MUC4: variants seen among roughly 807,000 people sequenced by gnomAD.
MUC4 encodes the protein mucin-4.
Under a neutral mutation model 257.9 loss-of-function variants are expected in MUC4, and 202 were observed. The observed-to-expected ratio is 0.78, with a 90% confidence interval of 0.70 to 0.88. The LOEUF (loss-of-function observed/expected upper bound fraction) is 0.88. Ranked by LOEUF, MUC4 falls within the 40% of genes least tolerant of loss-of-function variation. The pLI is 0.00. For synonymous variants in MUC4, 2,351 were observed against 2,757.1 expected (o/e 0.85, Z 4.62); for missense variants, 5,976 against 6,513.7 (o/e 0.92, Z 2.84).
intron 7 of MUC4, among the ~76,000 whole-genome samples, chr3:195,767,552 CCATTACCAT>C (rs1721083037): frequency 5.4e-5 from 6 of 110,270 alleles, no homozygotes; most frequent in Admixed American, 8.2e-5. Context: ...ATCACCATCA[CCATTACCAT>C]TGCCACCACC....
At chr3:195,778,195 T>C (rs1391283125) in intron 3 of MUC4, 108 bp downstream of exon 3, 2 of 1,383,002 alleles carry the variant, frequency 1.4e-6, no homozygotes, top group Non-Finnish European at 1.9e-6. Flanking sequence ...CTGTCCTCGG[T>C]AAGGCCCTCC....
rs1389520299 is a variant in MUC4 at position 195,778,796 on chromosome 3, T to A, written c.12784A>T (p.Thr4262Ser). 1 of 1,609,750 alleles carries A rather than the reference T, an allele frequency of 6.2e-7. No individual in the cohort carries two copies. The highest frequency in any genetic ancestry group is 8.5e-7 in the Non-Finnish European group (1 of 1,178,022). Residue 4262 changes from threonine to serine, a missense_variant, in exon 2 of 25, where the codon ACA becomes TCA. Physicochemically the swap from Thr to Ser is moderately conservative, Grantham distance 58 (BLOSUM62 1). Coordinates refer to ENST00000463781, the MANE Select transcript of MUC4 (RefSeq NM_018406.7). ...VSSDSPLKME[T>S]PGMTTPSLKT... ...CGAGGCAGTTGGCAGCTACCTGGTG[T>A]TTCCATCTTCAGAGGGGAGTCCGAG...
At chr3:195,762,663 GGGCCCTGCACCACAACGCACCC>G in intron 13 of MUC4, among the ~76,000 whole-genome samples, 170 bp downstream of exon 13, 1 of 16,062 alleles carries the variant, frequency 6.2e-5, no homozygotes, top group Non-Finnish European at 1.8e-4. Flanking sequence ...GCCACGCACC[GGGCCCTGCACCACAACGCACCC>G]GGCCCTGCAC....
In MUC4 at chr3:195,790,428, GCTGACA is replaced by G. The variant is rs1414117137; in HGVS notation, c.1146_1151del (p.Val383_Ser384del). 1.2e-6 allele frequency: 2 copies of G among 1,613,524 alleles called. No individual in the cohort carries two copies. The highest frequency in any genetic ancestry group is 2.2e-5 in the East Asian group (1 of 44,900). On this transcript the variant is annotated inframe_deletion, in exon 2 of 25. Coordinates refer to ENST00000463781, the MANE Select transcript of MUC4 (RefSeq NM_018406.7). The stretch of plus-strand genomic sequence containing the variant: ...CCTTTGATGTTACCAGGAATGTATT[GCTGACA>G]CTGGAAGGGGATGAGGTGGTTGTTT...
chr3:195,789,692 C>G lies in MUC4; in HGVS notation c.1888G>C (p.Glu630Gln). 2 of 1,613,854 alleles carry G rather than the reference C, an allele frequency of 1.2e-6. No homozygotes were observed. The highest frequency in any genetic ancestry group is 1.7e-6 in the Non-Finnish European group (2 of 1,179,870). ...TIHSTSTSPQ[E>Q]SPAVSQRGHT... Reference sequence around the variant, plus strand: ...CCCCTTTGGGAAACAGCTGGTGATTCCTGAGGAGAGGTGCTTGTGGAATGT... The same window carrying G: ...CCCCTTTGGGAAACAGCTGGTGATTGCTGAGGAGAGGTGCTTGTGGAATGT... Residue 630 changes from glutamate to glutamine, a missense_variant, in exon 2 of 25, where the codon GAA (glutamate) becomes CAA (glutamine). This residue lies in a region of MUC4 where 1,583 missense variants were observed against 1,257.4 expected (regional missense o/e 1.26). Transcript: ENST00000463781.
Position 195,782,244 on chromosome 3 carries a change from T to A in MUC4, c.9336A>T (p.Ser3112=). 1 of 1,525,682 alleles carries A rather than the reference T, an allele frequency of 6.6e-7. No individual in the cohort carries two copies. The highest frequency in any genetic ancestry group is 8.8e-7 in the Non-Finnish European group (1 of 1,135,678). The allele number at this position is 1,525,682 out of a possible 1,614,324, so 94.5% of individuals were successfully genotyped here. The change falls in exon 2 of 25, where the codon TCA becomes TCT. Residue 3112 remains serine (S), a synonymous_variant. Coordinates refer to ENST00000463781, the MANE Select transcript of MUC4 (RefSeq NM_018406.7). ...GAGGGGTGGTGTGACCTGTGGATGC[T>A]GAGGAAGGGCTAGTGACAGGAAGAG... ...TTPLPVTSPS[S]ASTGHTTPLP... is the part of the protein sequence containing the mutation.
Position 195,770,490 on chromosome 3 carries a change from T to C in MUC4, c.13243-119A>G, listed in dbSNP as rs1722563764. 31 of 1,141,104 alleles carry C rather than the reference T, an allele frequency of 2.7e-5. No individual in the cohort carries two copies. In the South Asian group the frequency reaches 3.4e-4, roughly 12 times the overall value. The allele number at this position is 1,141,104 out of a possible 1,614,324, so 70.7% of individuals were successfully genotyped here. A position where few individuals can be genotyped will look rare whatever the true frequency, so the allele number is the denominator to read the frequency against. ...GCCCACCCAATGGCCTGCCCTCCCC[T>C]GTCCCAGGCCTGCATTTTTGCCGTG... On this transcript the variant is annotated intron_variant, in intron 5 of 24. Transcript: ENST00000463781.
chr3:195,767,730 C>T (rs1356591944), intron 7 of MUC4, among the ~76,000 whole-genome samples: 726 of 7,154 alleles, frequency 0.1, 44 homozygotes, highest in African/African-American at 0.18. Flanking sequence ...ACCACCATCA[C>T]CACCACCATC....
Position 195,754,288 on chromosome 3 carries a change from T to C in MUC4, c.15253A>G (p.Ser5085Gly). 1 of 1,613,802 alleles carries C rather than the reference T, an allele frequency of 6.2e-7. No homozygotes were observed. Among genetic ancestry groups the C allele is most frequent in the Non-Finnish European group, 8.5e-7 (1 of 1,179,984 alleles). ...CCCTTCCCAGGAACGCAGTGGACAC[T>C]CGGGAAGCACGGCTCCTCACAGGCA... is the stretch of plus-strand genomic sequence containing the variant. Reference protein sequence around the residue: ...EDACEEPCFPSVHCVPGKGCE... With the variant: ...EDACEEPCFPGVHCVPGKGCE... The change falls in exon 19 of 25, where the codon AGT (serine) becomes GGT (glycine). Residue 5085 changes from serine (S) to glycine (G), a missense_variant. Physicochemically the swap from Ser to Gly is moderately conservative, Grantham distance 56. Around this residue, in one of 44 missense-constraint regions of MUC4, gnomAD observed 996 missense variants for 1,137.3 expected, o/e 0.88. Transcript: ENST00000463781.
chr3:195,761,509 C>A lies in MUC4; in HGVS notation c.14589G>T (p.Glu4863Asp). The A allele has an allele frequency of 6.2e-7, 1 of 1,614,074 alleles. No homozygotes were observed. Among genetic ancestry groups the A allele is most frequent in the Non-Finnish European group, 8.5e-7 (1 of 1,179,918 alleles). Reference protein sequence around the residue: ...GSTIPPGSPEEMLFHFGMTWQ... With the variant: ...GSTIPPGSPEDMLFHFGMTWQ... Reference sequence around the variant, plus strand: ...AGGTCATTCCAAAGTGGAAAAGCATCTCCTCAGGGCTCCCTGGGGGAATGG... The same window carrying A: ...AGGTCATTCCAAAGTGGAAAAGCATATCCTCAGGGCTCCCTGGGGGAATGG... Residue 4863 changes from glutamate (E) to aspartate (D), a missense_variant, in exon 15 of 25, where the codon GAG becomes GAT. By Grantham distance (45) the Glu-to-Asp change is conservative (BLOSUM62 2). This residue lies in a region of MUC4 where 996 missense variants were observed against 1,137.3 expected (regional missense o/e 0.88). Coordinates refer to ENST00000463781, the MANE Select transcript of MUC4 (RefSeq NM_018406.7).
At chr3:195,793,125 A>G (rs1439744107) in intron 1 of MUC4, among the ~76,000 whole-genome samples, 1 of 184 alleles carries the variant, frequency 5.4e-3, no homozygotes, top group African/African-American at 0.021. Flanking sequence ...TGAAACTTAA[A>G]GTAAAAATGA....
At position 195,789,661 on chromosome 3, in the gene MUC4, G is replaced by C; in HGVS notation, c.1919C>G (p.Thr640Ser). 3 of 1,614,026 alleles carry C rather than the reference G, an allele frequency of 1.9e-6. No individual in the cohort carries two copies. The highest frequency in any genetic ancestry group is 2.5e-6 in the Non-Finnish European group (3 of 1,179,894). Residue 640 changes from threonine (T) to serine (S), a missense_variant, in exon 2 of 25, where the codon ACT becomes AGT. Thr to Ser is a moderately conservative substitution (Grantham distance 58). Around this residue, in one of 44 missense-constraint regions of MUC4, gnomAD observed 1,583 missense variants for 1,257.4 expected, o/e 1.26. Transcript: ENST00000463781. ...TTCTTGTGTGGTCTGCGGGGCTTGA[G>C]TGTGACCCCTTTGGGAAACAGCTGG... The part of the protein sequence containing the change: ...ESPAVSQRGH[T>S]QAPQTTQESQ...
At position 195,782,114 on chromosome 3, in the gene MUC4, T is replaced by A; in HGVS notation, c.9466A>T (p.Thr3156Ser). 7.3e-7 allele frequency: 1 copy of A among 1,371,440 alleles called. No individual in the cohort carries two copies. Among genetic ancestry groups the A allele is most frequent in the Non-Finnish European group, 9.6e-7 (1 of 1,040,156 alleles). The allele number at this position is 1,371,440 out of a possible 1,614,324, so 85.0% of individuals were successfully genotyped here. ...STGDTTPLPV[T>S]DTSSASTGQA... The stretch of plus-strand genomic sequence containing the variant: ...CCTGTGGATGCTGAGGAAGTGTCGG[T>A]GACAGGAAGAGGGGTGGTGTCACCT... The change falls in exon 2 of 25, where the codon ACC becomes TCC. Residue 3156 changes from threonine (T) to serine (S), a missense_variant. Transcript: ENST00000463781.
At chr3:195,760,775 G>T (rs756354940) in intron 16 of MUC4, 109 bp downstream of exon 16, 1 of 889,758 alleles carries the variant, frequency 1.1e-6, no homozygotes, top group South Asian at 1.5e-5. Context: ...AGGAGTGGAA[G>T]AATCTGCTCA....
chr3:195,796,968 C>A (rs1240967531), intron 1 of MUC4, among the ~76,000 whole-genome samples: 1 of 151,580 alleles, frequency 6.6e-6, no homozygotes, highest in East Asian at 2.0e-4. Flanking sequence ...CATGGCCGGG[C>A]GCGGCGGCTC....
At position 195,762,119 on chromosome 3, in the gene MUC4, G is replaced by T. The variant is rs1201949468; in HGVS notation, c.14480C>A (p.Pro4827His). Reference sequence around the variant, plus strand: ...CCCCTCCGTGCGGTTCTGGTACTCGGGCGGGAGGCTGGCGGAGGCGTGGAG... The same window carrying T: ...CCCCTCCGTGCGGTTCTGGTACTCGTGCGGGAGGCTGGCGGAGGCGTGGAG... ...NILHASASLP[P>H]EYQNRTEGLL... The change falls in exon 14 of 25, where the codon CCC (proline) becomes CAC (histidine). Residue 4827 changes from proline to histidine, a missense_variant. Pro to His is a moderately conservative substitution (Grantham distance 77). This residue lies in a region of MUC4 where 996 missense variants were observed against 1,137.3 expected (regional missense o/e 0.88). Transcript: ENST00000463781. The T allele has an allele frequency of 1.3e-5, 21 of 1,607,460 alleles. No individual in the cohort carries two copies. Among genetic ancestry groups the T allele is most frequent in the Non-Finnish European group, 1.8e-5 (21 of 1,178,604 alleles).
Position 195,788,681 on chromosome 3 carries a change from T to G in MUC4, c.2899A>C (p.Thr967Pro). The G allele has an allele frequency of 1.9e-6, 3 of 1,597,334 alleles. No homozygotes were observed. The highest frequency in any genetic ancestry group is 2.5e-6 in the Non-Finnish European group (3 of 1,177,672). Residue 967 changes from threonine to proline, a missense_variant, in exon 2 of 25, where the codon ACC (threonine) becomes CCC (proline). Around this residue, in one of 44 missense-constraint regions of MUC4, gnomAD observed 1,583 missense variants for 1,257.4 expected, o/e 1.26. Coordinates refer to ENST00000463781, the MANE Select transcript of MUC4 (RefSeq NM_018406.7). Reference protein sequence around the residue: ...LSPSGSGKTFTTALISNATPL... With the variant: ...LSPSGSGKTFPTALISNATPL... Reference sequence around the variant, plus strand: ...GTGGCGTTGCTGATGAGGGCCGTGGTGAAGGTTTTACCAGACCCTGAAGGT... The same window carrying G: ...GTGGCGTTGCTGATGAGGGCCGTGGGGAAGGTTTTACCAGACCCTGAAGGT...
intron 13 of MUC4, 111 bp from the exon 14 acceptor site, chr3:195,762,365 C>T: frequency 8.2e-7 from 1 of 1,213,600 alleles, no homozygotes; most frequent in East Asian, 2.6e-5. Flanking sequence ...GGGCTGAAGC[C>T]GGGAGGGGTC....
intron 13 of MUC4, among the ~76,000 whole-genome samples, chr3:195,762,619 C>CGGCCCTGCACCGCCACGCACCG (rs1354091897): frequency 4.8e-5 from 2 of 41,728 alleles, no homozygotes; most frequent in African/African-American, 8.3e-5. Flanking sequence ...GCCACGCACC[C>CGGCCCTGCACCGCCACGCACCG]GGCCCTGCAC....
Sources: allele counts gnomAD v4.1 joint callset (sites outside exome capture counted in the v4.1 genomes callset), GRCh38; gene constraint gnomAD v4.1.1; regional missense constraint gnomAD v4.1.1; transcripts MANE v1.5; gene names NCBI Gene and HGNC (gene_info 2026-07-23, HGNC 2026-07-21).